The following LMO1 variants were observed in gnomAD, a reference collection of about 807,000 sequenced individuals.
LMO1 encodes the protein rhombotin-1.
LMO1 carries 10 observed loss-of-function variants against 18.0 expected under a neutral mutation model. That is an observed-to-expected ratio of 0.55 (90% CI 0.34 to 0.94). The LOEUF is 0.94. Ranked by LOEUF, LMO1 falls within the 40% of genes least tolerant of loss-of-function variation. The pLI is 0.02. For missense variants in LMO1, 183 were observed against 205.7 expected, an observed-to-expected ratio of 0.89 and a Z score of 0.68; for synonymous variants, 77 against 77.9, an observed-to-expected ratio of 0.99 and a Z score of 0.06.
intron 1 of LMO1, among the ~76,000 whole-genome samples, chr11:8,246,310 A>G (rs1011919149): frequency 2.6e-5 from 4 of 152,254 alleles, no homozygotes; most frequent in African/African-American, 9.6e-5. Flanking sequence ...CAATTGACAA[A>G]CGAATAAATA....
rs1042913531 is a variant in LMO1, at chr11:8,236,002, T to C, written c.26-5498A>G. 2.6e-5 allele frequency among the ~76,000 whole-genome samples: 4 copies of C among 152,206 alleles called. No homozygotes were observed. In the South Asian group the frequency reaches 8.3e-4, roughly 32 times the overall value. On this transcript the variant is annotated intron_variant, in intron 1 of 3. Coordinates refer to ENST00000335790, the MANE Select transcript of LMO1 (RefSeq NM_002315.3). ...AAAGTCACCCTGGCACTGGCCATAG[T>C]CCAGCTCCACCCAAAGGCCAGTCTA...
Position 8,263,364 on chromosome 11 carries a change from T to C in LMO1, c.-2A>G. 1 of 1,604,814 alleles carries C rather than the reference T, an allele frequency of 6.2e-7. No individual in the cohort carries two copies. ...GTCCTCCTTGTCCAGCACCATCATC[T>C]CGGGCGCTCCGTGTCCAGCCGCAGC... On this transcript the variant is annotated 5_prime_UTR_variant, in exon 1 of 4. Transcript: ENST00000335790.
At chr11:8,227,205 T>C in intron 2 of LMO1, 105 bp from the exon 3 acceptor site, 3 of 1,516,982 alleles carry the variant, frequency 2.0e-6, no homozygotes, top group South Asian at 2.6e-5. Flanking sequence ...CTCCAACTTG[T>C]GGGCTCAGCA....
In LMO1 at chr11:8,236,193, A is replaced by T. The variant is rs200173146; in HGVS notation, c.26-5689T>A. On this transcript the variant is annotated intron_variant, in intron 1 of 3. Coordinates refer to ENST00000335790, the MANE Select transcript of LMO1 (RefSeq NM_002315.3). ...CCCTGGAGGCAAGTGTAGCCTTGGTATTTTTTTTTTTTTTTAAAGACAGGG... is the reference window on the plus strand; with the variant it reads ...CCCTGGAGGCAAGTGTAGCCTTGGTTTTTTTTTTTTTTTTTAAAGACAGGG... Among the ~76,000 whole-genome samples the T allele has an allele frequency of 3.7e-3, 535 of 144,330 alleles. 3 individuals are homozygous for T. Among genetic ancestry groups the T allele is most frequent in the Non-Finnish European group, 5.5e-3 (362 of 65,866 alleles). 94.7% of individuals were successfully genotyped at this position (144,330 alleles called of 152,430 possible).
chr11:8,236,938 C>T (rs1028435717), intron 1 of LMO1, among the ~76,000 whole-genome samples: 18 of 152,176 alleles, frequency 1.2e-4, no homozygotes, highest in African/African-American at 1.7e-4. Context: ...AGCAGCCGCA[C>T]GCACGTTTAG....
At chr11:8,239,019 C>T (rs143415348) in intron 1 of LMO1, among the ~76,000 whole-genome samples, 1 of 152,236 alleles carries the variant, frequency 6.6e-6, no homozygotes, top group African/African-American at 2.4e-5. Flanking sequence ...TTCATATTAA[C>T]TCTGATGCAC....
intron 1 of LMO1, among the ~76,000 whole-genome samples, chr11:8,234,112 G>A (rs1437440406): frequency 6.6e-6 from 1 of 152,184 alleles, no homozygotes; most frequent in African/African-American, 2.4e-5. Flanking sequence ...GTCTCAGGAT[G>A]TGGGGGGAAC....
intron 1 of LMO1, among the ~76,000 whole-genome samples, chr11:8,256,267 G>A (rs115961099): frequency 0.014 from 2,105 of 152,324 alleles, 29 homozygotes; most frequent in African/African-American, 0.04. Flanking sequence ...GAAACTTTCT[G>A]GTTTATCAAG....
intron 1 of LMO1, among the ~76,000 whole-genome samples, chr11:8,247,856 T>C (rs1298304460): frequency 6.6e-6 from 1 of 152,198 alleles, no homozygotes; most frequent in Non-Finnish European, 1.5e-5. Context: ...TGAGAAGACT[T>C]CTCAAGGTAA....
intron 1 of LMO1, among the ~76,000 whole-genome samples, chr11:8,237,564 C>T (rs1468408295): frequency 4.6e-5 from 7 of 152,242 alleles, no homozygotes; most frequent in East Asian, 1.9e-4. Context: ...TGTTGAAACG[C>T]GCGGCTACAG....
rs569309594 is a variant in LMO1, at chr11:8,245,971, G to A, written c.26-15467C>T. Among the ~76,000 whole-genome samples the A allele has an allele frequency of 4.0e-4, 61 of 152,152 alleles. No individual in the cohort carries two copies. The South Asian group carries it at 4.2e-3, about 10-fold the overall frequency. On this transcript the variant is annotated intron_variant, in intron 1 of 3. Transcript: ENST00000335790. ...GAGACTGGGAGCAAGGGAGATGGGG[G>A]AGGTGCCACACTCTTTTAAACAACA... is the stretch of plus-strand genomic sequence containing the variant.
chr11:8,254,643 G>T (rs1454024669), intron 1 of LMO1, among the ~76,000 whole-genome samples: 3 of 137,526 alleles, frequency 2.2e-5, no homozygotes, highest in Non-Finnish European at 5.0e-5. Context: ...GCCCTGGGAG[G>T]AATGGAGCTG....
chr11:8,225,995 T>G (rs1291360050), intron 3 of LMO1, among the ~76,000 whole-genome samples: 1 of 152,058 alleles, frequency 6.6e-6, no homozygotes, highest in Non-Finnish European at 1.5e-5. Flanking sequence ...GGGCACAGAG[T>G]TGGGGCCAAG....
chr11:8,230,319 G>C lies in LMO1; in HGVS notation c.211C>G (p.Leu71Val), dbSNP rs1304968489. 6.2e-7 allele frequency: 1 copy of C among 1,613,932 alleles called. No individual in the cohort carries two copies. The highest frequency in any genetic ancestry group is 2.2e-5 in the East Asian group (1 of 44,878). ...AGGTAGTCGCGTCGGCACAGGATGAGGTTGGCCTTGGTGTAGAGGGTGGAG... is the reference window on the plus strand; with the variant it reads ...AGGTAGTCGCGTCGGCACAGGATGACGTTGGCCTTGGTGTAGAGGGTGGAG... ...VGSTLYTKAN[L>V]ILCRRDYLRL... The change falls in exon 2 of 4, where the codon CTC becomes GTC. Residue 71 changes from leucine to valine, a missense_variant. Coordinates refer to ENST00000335790, the MANE Select transcript of LMO1 (RefSeq NM_002315.3).
intron 1 of LMO1, among the ~76,000 whole-genome samples, chr11:8,254,390 T>C (rs560743323): frequency 6.6e-6 from 1 of 152,294 alleles, no homozygotes; most frequent in Admixed American, 6.5e-5. Flanking sequence ...TTCAATCAGC[T>C]GGTTTATGAA....
chr11:8,224,774 G>T lies in LMO1; in HGVS notation c.366-53C>A, dbSNP rs189196527. The T allele has an allele frequency of 4.0e-4, 490 of 1,239,184 alleles. 1 individual carries two copies. In the African/African-American group the frequency reaches 4.3e-3, roughly 11 times the overall value. 76.8% of individuals were successfully genotyped at this position (1,239,184 alleles called of 1,614,324 possible). A position where few individuals can be genotyped will look rare whatever the true frequency, so the allele number is the denominator to read the frequency against. ...CCATGGGAAGGTCCCAGTGGGTAAG[G>T]GGGGGGCTGCAGACAGAAGCCGGCC... On this transcript the variant is annotated intron_variant, in intron 3 of 3. Coordinates refer to ENST00000335790, the MANE Select transcript of LMO1 (RefSeq NM_002315.3).
intron 1 of LMO1, among the ~76,000 whole-genome samples, chr11:8,262,379 G>A (rs181278714): frequency 6.6e-6 from 1 of 152,330 alleles, no homozygotes; most frequent in East Asian, 1.9e-4. Flanking sequence ...CCAAGGTACT[G>A]CCTCTCTCCT....
intron 1 of LMO1, among the ~76,000 whole-genome samples, chr11:8,231,576 C>T (rs1952662835): frequency 6.6e-6 from 1 of 152,158 alleles, no homozygotes. Context: ...AGGGCGGGAG[C>T]CTGTGGCAGT....
intron 1 of LMO1, among the ~76,000 whole-genome samples, chr11:8,259,112 G>T (rs1181003462): frequency 1.3e-5 from 2 of 148,920 alleles, no homozygotes; most frequent in Non-Finnish European, 3.0e-5. Flanking sequence ...GAATCATATG[G>T]GAAACTTTTA....
Sources: gnomAD v4.1 joint callset for allele counts (sites outside exome capture counted in the v4.1 genomes callset) on GRCh38, gnomAD v4.1.1 for gene constraint, MANE v1.5 for transcripts, NCBI Gene and HGNC (gene_info 2026-07-23, HGNC 2026-07-21) for gene names.